XKR6: variants seen among roughly 807,000 people sequenced by gnomAD.
The protein encoded by XKR6 is XK related 6, also known as XK-related protein 6.
XKR6 carries 22 observed loss-of-function variants against 56.7 expected under a neutral mutation model. The observed-to-expected ratio is 0.39, with a 90% CI of 0.28 to 0.55. The LOEUF is 0.55. XKR6 is among the 20% of genes least tolerant of loss of function. XKR6 has a pLI of 0.66. For synonymous variants in XKR6, 524 were observed against 387.8 expected, an observed-to-expected ratio of 1.35 and a Z score of -4.13; for missense variants, 852 against 889.0, an observed-to-expected ratio of 0.96 and a Z score of 0.53.
intron 1 of XKR6, among the ~76,000 whole-genome samples, chr8:11,059,052 G>A (rs1284400196): frequency 4.6e-5 from 7 of 152,028 alleles, no homozygotes; most frequent in Non-Finnish European, 1.0e-4. Context: ...CCAGAAAGCG[G>A]GGCAGGACCA....
At chr8:11,058,338 G>C (rs1461332543) in intron 1 of XKR6, among the ~76,000 whole-genome samples, 10 of 152,144 alleles carry the variant, frequency 6.6e-5, no homozygotes, top group Non-Finnish European at 2.9e-5. Context: ...ATACCCAAAG[G>C]ATTATAAATC....
chr8:11,016,925 G>C (rs921266017), intron 1 of XKR6, among the ~76,000 whole-genome samples: 2 of 152,196 alleles, frequency 1.3e-5, no homozygotes, highest in African/African-American at 2.4e-5. Context: ...CTTTCCTTTA[G>C]ATAGACAGAC....
chr8:11,113,055 G>A (rs1201279653), intron 1 of XKR6, among the ~76,000 whole-genome samples: 1 of 152,124 alleles, frequency 6.6e-6, no homozygotes, highest in Non-Finnish European at 1.5e-5. Context: ...TTTGCCTTCT[G>A]TAGCACCCTC....
chr8:11,076,662 G>A (rs948319088), intron 1 of XKR6, among the ~76,000 whole-genome samples: 3 of 152,170 alleles, frequency 2.0e-5, no homozygotes, highest in South Asian at 2.1e-4. Flanking sequence ...GGCAGGCCCC[G>A]AAGAAAGCCA....
chr8:10,905,909 G>T (rs539302261), intron 2 of XKR6, among the ~76,000 whole-genome samples: 1 of 152,060 alleles, frequency 6.6e-6, no homozygotes, highest in Non-Finnish European at 1.5e-5. Context: ...ACTGTCTCCC[G>T]TCCTCGCCTT....
intron 1 of XKR6, among the ~76,000 whole-genome samples, chr8:10,946,883 T>C (rs1239881840): frequency 6.6e-6 from 1 of 151,934 alleles, no homozygotes; most frequent in Non-Finnish European, 1.5e-5. Context: ...TGCTCAAGGA[T>C]GGGGGAGAGT....
At position 10,923,488 on chromosome 8, in the gene XKR6, C is replaced by A. The variant is rs139066471; in HGVS notation, c.961+1146G>T. Among the ~76,000 whole-genome samples the A allele has an allele frequency of 2.3e-4, 35 of 152,344 alleles. No homozygotes were observed. The East Asian group carries it at 6.4e-3, about 28-fold the overall frequency. On this transcript the variant is annotated intron_variant, in intron 2 of 2. Coordinates refer to ENST00000416569, the MANE Select transcript of XKR6 (RefSeq NM_173683.4). ...TAACCAGGTCCCCAGGCTTTGAATGCCACCAGCAAGCTACTAGCCTGAACA... is the reference window on the plus strand; with the variant it reads ...TAACCAGGTCCCCAGGCTTTGAATGACACCAGCAAGCTACTAGCCTGAACA...
At chr8:11,108,649 G>A (rs1212731173) in intron 1 of XKR6, 2 of 295,662 alleles carry the variant, frequency 6.8e-6, no homozygotes, top group Admixed American at 5.1e-5. Context: ...CTCTTGCCAT[G>A]TGGCTCAGTT....
chr8:11,040,732 C>T (rs548009514), intron 1 of XKR6, among the ~76,000 whole-genome samples: 9 of 152,300 alleles, frequency 5.9e-5, no homozygotes, highest in Middle Eastern at 6.8e-3. Flanking sequence ...TGCACCTTCA[C>T]GACTGATCGC....
intron 1 of XKR6, among the ~76,000 whole-genome samples, chr8:10,929,831 G>C (rs1156547637): frequency 6.6e-6 from 1 of 152,154 alleles, no homozygotes; most frequent in Non-Finnish European, 1.5e-5. Context: ...TCCCTGAGGT[G>C]CCCTGTTCCT....
chr8:11,173,415 A>G (rs1309469179), intron 1 of XKR6, among the ~76,000 whole-genome samples: 5 of 150,648 alleles, frequency 3.3e-5, no homozygotes, highest in Admixed American at 3.3e-4. Context: ...ATATACATAT[A>G]CATATATATA....
intron 1 of XKR6, among the ~76,000 whole-genome samples, chr8:11,141,143 T>C (rs1284128665): frequency 6.6e-6 from 1 of 152,170 alleles, no homozygotes; most frequent in African/African-American, 2.4e-5. Flanking sequence ...TGCAAAAGAC[T>C]TTAACTGTAT....
chr8:10,958,679 G>A (rs892246478), intron 1 of XKR6, among the ~76,000 whole-genome samples: 12 of 152,204 alleles, frequency 7.9e-5, no homozygotes, highest in East Asian at 1.9e-4. Context: ...TGGGCCGCCC[G>A]CTGATGGAGG....
At chr8:11,099,918 G>C (rs1287804789) in intron 1 of XKR6, among the ~76,000 whole-genome samples, 2 of 152,226 alleles carry the variant, frequency 1.3e-5, no homozygotes, top group East Asian at 3.8e-4. Flanking sequence ...AAGCACATGG[G>C]GAGGAGCATC....
chr8:11,097,466 T>C (rs1166221238), intron 1 of XKR6, among the ~76,000 whole-genome samples: 4 of 131,362 alleles, frequency 3.0e-5, no homozygotes, highest in East Asian at 1.9e-4. Flanking sequence ...CACAGGGCAA[T>C]ATTTTCTTTT....
At chr8:11,102,786 A>T (rs1367193628) in intron 1 of XKR6, among the ~76,000 whole-genome samples, 2 of 152,204 alleles carry the variant, frequency 1.3e-5, no homozygotes, top group Non-Finnish European at 2.9e-5. Flanking sequence ...AAACCTAGAG[A>T]GAAACCAACA....
At chr8:11,184,388 TAC>T (rs6150466) in intron 1 of XKR6, among the ~76,000 whole-genome samples, 14,039 of 145,972 alleles carry the variant, frequency 0.096, 671 homozygotes, top group South Asian at 0.13. Context: ...TATACACACA[TAC>T]ACACACACAC....
intron 2 of XKR6, among the ~76,000 whole-genome samples, chr8:10,899,701 C>T (rs1015344398): frequency 1.3e-5 from 2 of 152,196 alleles, no homozygotes; most frequent in Non-Finnish European, 2.9e-5. Flanking sequence ...ATCACTTGGG[C>T]TTTGGGGGTG....
At chr8:10,903,777 C>G (rs117458534) in intron 2 of XKR6, among the ~76,000 whole-genome samples, 2,419 of 152,256 alleles carry the variant, frequency 0.016, 26 homozygotes, top group Middle Eastern at 0.034. Flanking sequence ...CCAGTAGCAC[C>G]TTGATCTGCA....
Sources: allele counts gnomAD v4.1 joint callset (sites outside exome capture counted in the v4.1 genomes callset), GRCh38; gene constraint gnomAD v4.1.1; transcripts MANE v1.5; gene names NCBI Gene and HGNC (gene_info 2026-07-23, HGNC 2026-07-21).